The following PIGM variants were observed in gnomAD, a reference collection of about 807,000 sequenced individuals.
PIGM encodes the protein GPI alpha-1,4-mannosyltransferase I, catalytic subunit.
Under a neutral mutation model 14.6 loss-of-function variants are expected in PIGM, and 7 were observed. The observed-to-expected ratio is 0.48, with a 90% confidence interval of 0.27 to 0.90. The LOEUF (loss-of-function observed/expected upper bound fraction) is 0.90. Among genes scored for constraint, PIGM ranks in the 40% least tolerant of loss-of-function variants. The pLI is 0.12. For synonymous variants in PIGM, 216 were observed against 215.9 expected (o/e 1.00, Z 0.00); for missense variants, 506 against 516.2 (o/e 0.98, Z 0.19).
chr1:160,030,746 T>C lies in PIGM; in HGVS notation c.994A>G (p.Thr332Ala), dbSNP rs1443146786. 4.3e-6 allele frequency: 7 copies of C among 1,613,860 alleles called. No homozygotes were observed. The highest frequency in any genetic ancestry group is 5.9e-6 in the Non-Finnish European group (7 of 1,179,980). ...SIFVTFNKVC[T>A]SQYFLWYLCL... ...AGGTACCAAAGAAAGTACTGGGAGG[T>C]GCAGACTTTGTTAAAAGTCACAAAA... Residue 332 changes from threonine to alanine, a missense_variant, in exon 1 of 1, where the codon ACC (threonine) becomes GCC (alanine). By Grantham distance (58) the Thr-to-Ala change is moderately conservative (BLOSUM62 0). Coordinates refer to ENST00000368090, the MANE Select transcript of PIGM (RefSeq NM_145167.3).
In PIGM at chr1:160,030,332, G is replaced by T; in HGVS notation, c.*136C>A. ...CCCTTTTATATATAAGGCAAACATT[G>T]CTTTTAAGTTCTGTTGGAACATGGG... On this transcript the variant is annotated 3_prime_UTR_variant, in exon 1 of 1. Transcript: ENST00000368090. The T allele has an allele frequency of 1.1e-6, 1 of 932,056 alleles. No homozygotes were observed. Among genetic ancestry groups the T allele is most frequent in the Non-Finnish European group, 1.7e-6 (1 of 582,392 alleles). 57.7% of individuals were successfully genotyped at this position (932,056 alleles called of 1,614,324 possible). A position where few individuals can be genotyped will look rare whatever the true frequency, so the allele number is the denominator to read the frequency against.
chr1:160,030,602 ACT>A lies in PIGM; in HGVS notation c.1136_1137del (p.Glu379ValfsTer44). 4 of 1,614,106 alleles carry A rather than the reference ACT, an allele frequency of 2.5e-6. No homozygotes were observed. Among genetic ancestry groups the A allele is most frequent in the Non-Finnish European group, 3.4e-6 (4 of 1,180,018 alleles). ...AACAGAAAGGTGTTCTTTCCTTGAA[ACT>A]CTAGAACATAGGCAGGAGCCAGCCA... ...AMWLAPAYVL[E>X]FQGKNTFLFI... On this transcript the variant is annotated frameshift_variant, in exon 1 of 1. Transcript: ENST00000368090. LOFTEE classifies it high-confidence loss of function.
chr1:160,031,781 G>A lies in PIGM; in HGVS notation c.-42C>T, dbSNP rs952533565. 6.2e-7 allele frequency: 1 copy of A among 1,610,996 alleles called. No homozygotes were observed. Among genetic ancestry groups the A allele is most frequent in the African/African-American group, 1.3e-5 (1 of 74,854 alleles). On this transcript the variant is annotated 5_prime_UTR_variant, in exon 1 of 1. Transcript: ENST00000368090. ...AGCTGCTTAGCCCCAGCTCCAAACT[G>A]CCTTCGTACTTCTAACCTTCCCTTC...
In PIGM at chr1:160,029,129, T is replaced by A. The variant is rs1648247816; in HGVS notation, c.*1339A>T. The A allele has an allele frequency of 6.6e-6, 1 of 152,214 alleles. No individual in the cohort carries two copies. Among genetic ancestry groups the A allele is most frequent in the South Asian group, 2.1e-4 (1 of 4,836 alleles). 9.4% of individuals were successfully genotyped at this position (152,214 alleles called of 1,614,324 possible). ...TGACTTAAATTCTAGAAGAAAAAAG[T>A]CTTGCTTTAGCAATCAAAAACTTAA... On this transcript the variant is annotated 3_prime_UTR_variant, in exon 1 of 1. Coordinates refer to ENST00000368090, the MANE Select transcript of PIGM (RefSeq NM_145167.3).
Position 160,026,702 on chromosome 1 carries a change from C to T in PIGM, c.*3766G>A, listed in dbSNP as rs1300736697. ...GATTAGCCAGGCATGGTGGCAAATA[C>T]CTGTGGTCCCAGCTACTTGGGAGGC... On this transcript the variant is annotated 3_prime_UTR_variant, in exon 1 of 1. Coordinates refer to ENST00000368090, the MANE Select transcript of PIGM (RefSeq NM_145167.3). The T allele has an allele frequency of 6.6e-6, 1 of 152,158 alleles. No homozygotes were observed. Among genetic ancestry groups the T allele is most frequent in the Non-Finnish European group, 1.5e-5 (1 of 68,052 alleles). 9.4% of individuals were successfully genotyped at this position (152,158 alleles called of 1,614,324 possible).
Position 160,031,632 on chromosome 1 carries a change from G to T in PIGM, c.108C>A (p.Gly36=). The change falls in exon 1 of 1, where the codon GGC becomes GGA. Residue 36 remains glycine, a synonymous_variant. Transcript: ENST00000368090. Reference sequence around the variant, plus strand: ...CGTGCAGGGTCCGGTCCTGGAAGACGCCATAGAAAACCAGGGCGACTCTGG... The same window carrying T: ...CGTGCAGGGTCCGGTCCTGGAAGACTCCATAGAAAACCAGGGCGACTCTGG... ...FLARVALVFY[G]VFQDRTLHVR... is the part of the protein sequence containing the mutation. 1 of 1,614,154 alleles carries T rather than the reference G, an allele frequency of 6.2e-7. No homozygotes were observed. Among genetic ancestry groups the T allele is most frequent in the Non-Finnish European group, 8.5e-7 (1 of 1,180,040 alleles).
rs747611128 is a variant in PIGM at position 160,030,659 on chromosome 1, G to A, written c.1081C>T (p.Leu361=). 1.2e-6 allele frequency: 2 copies of A among 1,614,156 alleles called. No homozygotes were observed. Among genetic ancestry groups the A allele is most frequent in the South Asian group, 1.1e-5 (1 of 91,078 alleles). Residue 361 remains leucine (L), a synonymous_variant, in exon 1 of 1, where the codon CTA becomes TTA. Transcript: ENST00000368090. ...GCCTGCCCTATAAACCATAACATTA[G>A]GAGAACTACAGCTCTTTTCCAAGGC... ...RMPWKRAVVL[L]MLWFIGQAMW...
rs1648197989 is a variant in PIGM at position 160,026,933 on chromosome 1, C to A, written c.*3535G>T. The A allele has an allele frequency of 6.6e-6, 1 of 152,216 alleles. No individual in the cohort carries two copies. The highest frequency in any genetic ancestry group is 2.4e-5 in the African/African-American group (1 of 41,450). The allele number at this position is 152,216 out of a possible 1,614,324, so 9.4% of individuals were successfully genotyped here. ...GCACAATCATAGTTCACTATAACCT[C>A]CTCGAATTCCTGGGCTCAAGTGGTC... On this transcript the variant is annotated 3_prime_UTR_variant, in exon 1 of 1. Transcript: ENST00000368090.
Position 160,031,652 on chromosome 1 carries a change from C to T in PIGM, c.88G>A (p.Val30Ile), listed in dbSNP as rs1335994759. ...AAGACGCCATAGAAAACCAGGGCGACTCTGGCTAGAAAGGCCACACCAAAG... is the reference window on the plus strand; with the variant it reads ...AAGACGCCATAGAAAACCAGGGCGATTCTGGCTAGAAAGGCCACACCAAAG... ...GVFGVAFLAR[V>I]ALVFYGVFQD... Residue 30 changes from valine to isoleucine, a missense_variant, in exon 1 of 1, where the codon GTC becomes ATC. Physicochemically the swap from Val to Ile is conservative, Grantham distance 29. Transcript: ENST00000368090. The T allele has an allele frequency of 5.6e-6, 9 of 1,614,202 alleles. No homozygotes were observed. Among genetic ancestry groups the T allele is most frequent in the Non-Finnish European group, 7.6e-6 (9 of 1,180,038 alleles).
chr1:160,030,413 G>T lies in PIGM; in HGVS notation c.*55C>A. The T allele has an allele frequency of 6.5e-7, 1 of 1,527,016 alleles. No homozygotes were observed. The highest frequency in any genetic ancestry group is 1.1e-5 in the South Asian group (1 of 88,578). 94.6% of individuals were successfully genotyped at this position (1,527,016 alleles called of 1,614,324 possible). On this transcript the variant is annotated 3_prime_UTR_variant, in exon 1 of 1. Transcript: ENST00000368090. Reference sequence around the variant, plus strand: ...AAAAAATGTCCCAAAGCTCTCTTCTGGTCCATACAAGACAATCAGAATGTA... The same window carrying T: ...AAAAAATGTCCCAAAGCTCTCTTCTTGTCCATACAAGACAATCAGAATGTA...
In PIGM at chr1:160,030,343, C is replaced by T; in HGVS notation, c.*125G>A. ...ATAAGGCAAACATTGCTTTTAAGTT[C>T]TGTTGGAACATGGGAACTTTCACTA... On this transcript the variant is annotated 3_prime_UTR_variant, in exon 1 of 1. Transcript: ENST00000368090. 3 of 1,032,636 alleles carry T rather than the reference C, an allele frequency of 2.9e-6. No homozygotes were observed. The highest frequency in any genetic ancestry group is 4.5e-6 in the Non-Finnish European group (3 of 666,480). The allele number at this position is 1,032,636 out of a possible 1,614,324, so 64.0% of individuals were successfully genotyped here.
In PIGM at chr1:160,031,224, G is replaced by A. The variant is rs938593058; in HGVS notation, c.516C>T (p.Phe172=). 7.4e-6 allele frequency: 12 copies of A among 1,614,046 alleles called. No homozygotes were observed. The African/African-American group carries it at 1.6e-4, about 22-fold the overall frequency. ...TCTTCATATGCACCGCGAAACCATA[G>A]AATACAGCTGCACACGCGACGAGTC... ...KKRLVACAAV[F]YGFAVHMKIY... Residue 172 remains phenylalanine, a synonymous_variant, in exon 1 of 1, where the codon TTC becomes TTT. Transcript: ENST00000368090.
In PIGM at chr1:160,030,312, T is replaced by C. The variant is rs1648289232; in HGVS notation, c.*156A>G. 5.1e-6 allele frequency: 4 copies of C among 781,132 alleles called. No individual in the cohort carries two copies. Among genetic ancestry groups the C allele is most frequent in the Non-Finnish European group, 8.6e-6 (4 of 465,556 alleles). The allele number at this position is 781,132 out of a possible 1,614,324, so 48.4% of individuals were successfully genotyped here. ...GTGGACCTCAATTATTGTGTCCCTT[T>C]TATATATAAGGCAAACATTGCTTTT... On this transcript the variant is annotated 3_prime_UTR_variant, in exon 1 of 1. Coordinates refer to ENST00000368090, the MANE Select transcript of PIGM (RefSeq NM_145167.3).
rs756151656 is a variant in PIGM, at chr1:160,030,488, C to T, written c.1252G>A (p.Glu418Lys). 6 of 1,612,736 alleles carry T rather than the reference C, an allele frequency of 3.7e-6. No individual in the cohort carries two copies. The East Asian group carries it at 1.3e-4, about 36-fold the overall frequency. The change falls in exon 1 of 1, where the codon GAG becomes AAG. Residue 418 changes from glutamate (E) to lysine (K), a missense_variant. Transcript: ENST00000368090. ...ISHYKEEPLT[E>K]RIKYD is the part of the protein sequence containing the mutation. ...ATACACTAGTCATATTTGATTCTCT[C>T]TGTCAGGGGTTCTTCTTTGTAATGG...
Position 160,031,659 on chromosome 1 carries a change from T to C in PIGM, c.81A>G (p.Leu27=). 7.4e-6 allele frequency: 12 copies of C among 1,614,130 alleles called. No individual in the cohort carries two copies. The highest frequency in any genetic ancestry group is 1.0e-5 in the Non-Finnish European group (12 of 1,180,034). ...CATAGAAAACCAGGGCGACTCTGGCTAGAAAGGCCACACCAAAGACGCCGG... is the reference window on the plus strand; with the variant it reads ...CATAGAAAACCAGGGCGACTCTGGCCAGAAAGGCCACACCAAAGACGCCGG... ...APAGVFGVAF[L]ARVALVFYGV... The change falls in exon 1 of 1, where the codon CTA becomes CTG. Residue 27 remains leucine, a synonymous_variant. Coordinates refer to ENST00000368090, the MANE Select transcript of PIGM (RefSeq NM_145167.3).
At position 160,025,623 on chromosome 1, in the gene PIGM, C is replaced by G. The variant is rs1300692967; in HGVS notation, c.*4845G>C. ...GAATCATTGAAAAGTTTGGGGATGA[C>G]AGTGACTTGGTACAACTGAGAGAAC... On this transcript the variant is annotated 3_prime_UTR_variant, in exon 1 of 1. Coordinates refer to ENST00000368090, the MANE Select transcript of PIGM (RefSeq NM_145167.3). 1 of 152,140 alleles carries G rather than the reference C, an allele frequency of 6.6e-6. No individual in the cohort carries two copies. Among genetic ancestry groups the G allele is most frequent in the Non-Finnish European group, 1.5e-5 (1 of 68,032 alleles). 9.4% of individuals were successfully genotyped at this position (152,140 alleles called of 1,614,324 possible).
Position 160,027,841 on chromosome 1 carries a change from G to A in PIGM, c.*2627C>T, listed in dbSNP as rs1648220820. 6.6e-6 allele frequency: 1 copy of A among 151,294 alleles called. No individual in the cohort carries two copies. The highest frequency in any genetic ancestry group is 1.5e-5 in the Non-Finnish European group (1 of 67,844). 9.4% of individuals were successfully genotyped at this position (151,294 alleles called of 1,614,324 possible). ...TTTTAGTTAACTTACTAAATGTTTTGGAACATACAAAGTGCAAAATATCTT... is the reference window on the plus strand; with the variant it reads ...TTTTAGTTAACTTACTAAATGTTTTAGAACATACAAAGTGCAAAATATCTT... On this transcript the variant is annotated 3_prime_UTR_variant, in exon 1 of 1. Coordinates refer to ENST00000368090, the MANE Select transcript of PIGM (RefSeq NM_145167.3).
In PIGM at chr1:160,030,716, A is replaced by AGCAGAGGT; in HGVS notation, c.1016_1023dup (p.Leu342ThrfsTer8). 1.2e-6 allele frequency: 2 copies of AGCAGAGGT among 1,614,196 alleles called. No homozygotes were observed. The highest frequency in any genetic ancestry group is 1.7e-6 in the Non-Finnish European group (2 of 1,180,014). ...ACTAGTGGCATCACAAGAGGCAGTA[A>AGCAGAGGT]GCAGAGGTACCAAAGAAAGTACTGG... is the stretch of plus-strand genomic sequence containing the variant. On this transcript the variant is annotated frameshift_variant, in exon 1 of 1. Coordinates refer to ENST00000368090, the MANE Select transcript of PIGM (RefSeq NM_145167.3). LOFTEE classifies it high-confidence loss of function.
In PIGM at chr1:160,027,811, C is replaced by A. The variant is rs998730282; in HGVS notation, c.*2657G>T. 1 of 151,968 alleles carries A rather than the reference C, an allele frequency of 6.6e-6. No individual in the cohort carries two copies. Among genetic ancestry groups the A allele is most frequent in the Non-Finnish European group, 1.5e-5 (1 of 67,990 alleles). 9.4% of individuals were successfully genotyped at this position (151,968 alleles called of 1,614,324 possible). ...AATCCCCCAAGAAACCAAATTAACT[C>A]ATTTTTTTAGTTAACTTACTAAATG... is the stretch of plus-strand genomic sequence containing the variant. On this transcript the variant is annotated 3_prime_UTR_variant, in exon 1 of 1. Transcript: ENST00000368090.
Sources: gnomAD v4.1 joint callset for allele counts on GRCh38, gnomAD v4.1.1 for gene constraint, MANE v1.5 for transcripts, NCBI Gene and HGNC (gene_info 2026-07-23, HGNC 2026-07-21) for gene names.